NRXN1: variants seen among roughly 807,000 people sequenced by gnomAD.
NRXN1 encodes neurexin-1.
A neutral mutation model predicts 150.9 loss-of-function variants in NRXN1; 39 were observed. The ratio of observed to expected loss-of-function variants is 0.26; its 90% CI spans 0.20 to 0.34. The LOEUF (loss-of-function observed/expected upper bound fraction) is 0.34, where lower values mean the gene tolerates loss of function less well. Among genes scored for constraint, NRXN1 ranks in the 10% least tolerant of loss-of-function variants. The pLI is 1.00. For synonymous variants in NRXN1, 924 were observed against 757.0 expected, an observed-to-expected ratio of 1.22 and a Z score of -3.62; for missense variants, 1,815 against 1,949.9, an observed-to-expected ratio of 0.93 and a Z score of 1.30.
At chr2:50,735,155 C>T (rs897065240) in intron 5 of NRXN1, among the ~76,000 whole-genome samples, 22 of 152,002 alleles carry the variant, frequency 1.4e-4, no homozygotes, top group African/African-American at 4.8e-4. Flanking sequence ...CGTTTATTGC[C>T]AATCTTAAGT....
At chr2:50,060,450 G>T (rs1479604691) in intron 19 of NRXN1, among the ~76,000 whole-genome samples, 6 of 152,170 alleles carry the variant, frequency 3.9e-5, no homozygotes, top group Non-Finnish European at 8.8e-5. Context: ...TGTCTCAGAT[G>T]AGACTTTGGA....
chr2:50,647,090 G>T (rs1399771571), intron 5 of NRXN1, among the ~76,000 whole-genome samples: 1 of 151,646 alleles, frequency 6.6e-6, no homozygotes, highest in African/African-American at 2.4e-5. Flanking sequence ...TGCAACAGGA[G>T]ATCCTCTTGA....
At chr2:50,538,127 A>C in intron 10 of NRXN1, 126 bp downstream of exon 10, 1 of 1,064,178 alleles carries the variant, frequency 9.4e-7, no homozygotes, top group African/African-American at 1.6e-5. Context: ...ATGGCTGCTC[A>C]GCTTGCAAAC....
chr2:50,119,911 C>G (rs1703629368), intron 18 of NRXN1, among the ~76,000 whole-genome samples: 1 of 152,068 alleles, frequency 6.6e-6, no homozygotes, highest in South Asian at 2.1e-4. Flanking sequence ...TGTAAAAAGT[C>G]TCTCTCATGG....
rs528632732 is a variant in NRXN1 at position 49,997,335 on chromosome 2, G to T, written c.4129-53544C>A. Among the ~76,000 whole-genome samples the T allele has an allele frequency of 3.3e-5, 5 of 152,196 alleles. No homozygotes were observed. In the East Asian group the frequency reaches 7.7e-4, roughly 23 times the overall value. On this transcript the variant is annotated intron_variant, in intron 21 of 22. Coordinates refer to ENST00000401669, the MANE Select transcript of NRXN1 (RefSeq NM_001330078.2). ...TCATGAGAAGGGAATTATTTAATCA[G>T]GGTATTTTGACATAGGTTGCTGGAA...
At chr2:50,205,483 T>TTATAGTTCATTTGAATTCTTTCAAGA (rs2062501788) in intron 18 of NRXN1, among the ~76,000 whole-genome samples, 4 of 152,122 alleles carry the variant, frequency 2.6e-5, no homozygotes, top group Non-Finnish European at 5.9e-5. Context: ...TGAATATACA[T>TTATAGTTCATTTGAATTCTTTCAAGA]TATAGTTCAT....
At chr2:50,652,481 A>G (rs918167088) in intron 5 of NRXN1, among the ~76,000 whole-genome samples, 1 of 152,016 alleles carries the variant, frequency 6.6e-6, no homozygotes, top group African/African-American at 2.4e-5. Flanking sequence ...GGAACCACAT[A>G]ATGTGTGGAC....
intron 18 of NRXN1, among the ~76,000 whole-genome samples, chr2:50,106,856 T>C (rs1193593503): frequency 6.6e-6 from 1 of 152,000 alleles, no homozygotes; most frequent in African/African-American, 2.4e-5. Flanking sequence ...ATGGATTATT[T>C]ACTCATCATT....
At chr2:50,869,449 C>CA (rs941696820) in intron 5 of NRXN1, among the ~76,000 whole-genome samples, 1 of 147,090 alleles carries the variant, frequency 6.8e-6, no homozygotes, top group African/African-American at 2.5e-5. Flanking sequence ...AAAAGTAAGT[C>CA]AAAAAAATAA....
chr2:50,520,586 A>G (rs2092759023), intron 12 of NRXN1, among the ~76,000 whole-genome samples: 1 of 151,984 alleles, frequency 6.6e-6, no homozygotes. Context: ...TCCATAATTG[A>G]TAACTCAAAA....
rs575522648 is a variant in NRXN1, at chr2:50,180,469, C to T, written c.3546+56320G>A. On this transcript the variant is annotated intron_variant, in intron 18 of 22. Coordinates refer to ENST00000401669, the MANE Select transcript of NRXN1 (RefSeq NM_001330078.2). Reference sequence around the variant, plus strand: ...GAATATGTGTGTTGGATACTTAATCCCCAGTGTAACAGTGTTGGGAGATGG... The same window carrying T: ...GAATATGTGTGTTGGATACTTAATCTCCAGTGTAACAGTGTTGGGAGATGG... 3.9e-5 allele frequency among the ~76,000 whole-genome samples: 6 copies of T among 152,148 alleles called. 1 individual carries two copies. The highest frequency in any genetic ancestry group is 1.2e-4 in the African/African-American group (5 of 41,532).
At chr2:50,529,690 A>T (rs2093047638) in intron 11 of NRXN1, among the ~76,000 whole-genome samples, 1 of 152,160 alleles carries the variant, frequency 6.6e-6, no homozygotes, top group Admixed American at 6.5e-5. Flanking sequence ...ACCTCTTTCT[A>T]CAGAATGCTT....
chr2:50,799,360 G>A (rs1707275838), intron 5 of NRXN1, among the ~76,000 whole-genome samples: 1 of 152,140 alleles, frequency 6.6e-6, no homozygotes, highest in Non-Finnish European at 1.5e-5. Context: ...TTGAAAGGCA[G>A]AAGAAACACC....
chr2:50,611,283 T>C (rs1315098899), intron 8 of NRXN1, among the ~76,000 whole-genome samples: 1 of 152,136 alleles, frequency 6.6e-6, no homozygotes, highest in Non-Finnish European at 1.5e-5. Flanking sequence ...GACCATGCTA[T>C]GCTAGCTTGA....
intron 19 of NRXN1, among the ~76,000 whole-genome samples, chr2:50,070,323 G>A (rs1573730933): frequency 1.3e-5 from 2 of 152,248 alleles, no homozygotes; most frequent in East Asian, 3.9e-4. Flanking sequence ...CTCTTTGCAA[G>A]CCCTTTTTGT....
intron 18 of NRXN1, among the ~76,000 whole-genome samples, chr2:50,184,837 G>A (rs1559048958): frequency 6.6e-6 from 1 of 151,994 alleles, no homozygotes; most frequent in African/African-American, 2.4e-5. Flanking sequence ...ACATATTATC[G>A]ACATTTTGCT....
chr2:50,435,470 A>G (rs183470153), intron 17 of NRXN1, among the ~76,000 whole-genome samples: 3 of 152,206 alleles, frequency 2.0e-5, no homozygotes, highest in Non-Finnish European at 2.9e-5. Flanking sequence ...AAATGTAAAG[A>G]AACTTAAACA....
intron 22 of NRXN1, among the ~76,000 whole-genome samples, chr2:49,933,195 T>G (rs1192848248): frequency 2.0e-5 from 3 of 152,134 alleles, no homozygotes; most frequent in African/African-American, 7.2e-5. Flanking sequence ...CACGCCATTC[T>G]CCTGCCTCAG....
At chr2:50,196,273 A>T (rs1262359165) in intron 18 of NRXN1, among the ~76,000 whole-genome samples, 2 of 152,084 alleles carry the variant, frequency 1.3e-5, no homozygotes, top group East Asian at 1.9e-4. Flanking sequence ...GAAGTCACTC[A>T]TGGGGTTCTA....
Sources: gnomAD v4.1 joint callset for allele counts (sites outside exome capture counted in the v4.1 genomes callset) on GRCh38, gnomAD v4.1.1 for gene constraint, MANE v1.5 for transcripts, NCBI Gene and HGNC (gene_info 2026-07-23, HGNC 2026-07-21) for gene names.